The following HDAC9 variants were observed in gnomAD, a reference collection of about 807,000 sequenced individuals.
HDAC9 encodes MEF-2 interacting transcription repressor (MITR) protein.
A neutral mutation model predicts 139.4 loss-of-function variants in HDAC9; 41 were observed. The ratio of observed to expected loss-of-function variants is 0.29; its 90% CI spans 0.23 to 0.38. The LOEUF (loss-of-function observed/expected upper bound fraction) is 0.38. Among genes scored for constraint, HDAC9 ranks in the 10% least tolerant of loss-of-function variants. The probability of loss-of-function intolerance (pLI) is 1.00; values close to 1 mark genes in which losing one functional copy is unlikely to be tolerated. For missense variants in HDAC9, 1,147 were observed against 1,297.0 expected (o/e 0.88, Z 1.78); for synonymous variants, 517 against 476.2 (o/e 1.09, Z -1.12).
chr7:18,424,231 C>T (rs1016478409), intron 1 of HDAC9, among the ~76,000 whole-genome samples: 1 of 152,130 alleles, frequency 6.6e-6, no homozygotes, highest in African/African-American at 2.4e-5. Flanking sequence ...GAAAACATCC[C>T]CTTCACCAGT....
chr7:18,678,460 ATAGAG>A lies in HDAC9; in HGVS notation c.1731+11989_1731+11993del, dbSNP rs1208985915. 9.9e-5 allele frequency among the ~76,000 whole-genome samples: 15 copies of A among 151,886 alleles called. 1 individual carries two copies. Among genetic ancestry groups the A allele is most frequent in the Admixed American group, 8.5e-4 (13 of 15,214 alleles). ...CTTTCTTTTGGGACTCCAGTTACAC[ATAGAG>A]TAGACTGCTTGATACTGTCTCACGT... On this transcript the variant is annotated intron_variant, in intron 12 of 25. Coordinates refer to ENST00000686413, the MANE Select transcript of HDAC9 (RefSeq NM_178425.4).
At chr7:18,202,645 G>A (rs575491047) in intron 2 of HDAC9, among the ~76,000 whole-genome samples, 7 of 152,344 alleles carry the variant, frequency 4.6e-5, no homozygotes, top group African/African-American at 1.4e-4. Flanking sequence ...AGGTGTTCCA[G>A]TAGCATACTT....
chr7:18,163,424 T>G (rs1331203967), intron 2 of HDAC9, among the ~76,000 whole-genome samples: 2 of 152,234 alleles, frequency 1.3e-5, no homozygotes, highest in Non-Finnish European at 2.9e-5. Context: ...TCTCAAACTT[T>G]AGCATGCATT....
At chr7:18,853,012 C>T (rs1217003022) in intron 21 of HDAC9, among the ~76,000 whole-genome samples, 1 of 152,074 alleles carries the variant, frequency 6.6e-6, no homozygotes. Context: ...GGAGCGCACA[C>T]TCTTCTTTTG....
intron 1 of HDAC9, among the ~76,000 whole-genome samples, chr7:18,353,033 A>G (rs1277770307): frequency 1.3e-5 from 2 of 152,148 alleles, no homozygotes; most frequent in Non-Finnish European, 2.9e-5. Flanking sequence ...TTGTCATAGC[A>G]TCTAAGGTTT....
rs73313283 is a variant in HDAC9, at chr7:18,590,292, G to A, written c.265-44G>A. Reference sequence around the variant, plus strand: ...AGTTTTGGTCAGTGATGACTATGAAGCCTAAAGAAATTGCACACTCTCATG... The same window carrying A: ...AGTTTTGGTCAGTGATGACTATGAAACCTAAAGAAATTGCACACTCTCATG... On this transcript the variant is annotated intron_variant, in intron 3 of 25. Transcript: ENST00000686413. 4.6e-3 allele frequency: 7,400 copies of A among 1,603,330 alleles called. 291 individuals carry two copies. The African/African-American group carries it at 0.087, about 19-fold the overall frequency.
intron 1 of HDAC9, among the ~76,000 whole-genome samples, chr7:18,436,187 A>C (rs969352951): frequency 7.9e-5 from 12 of 152,082 alleles, no homozygotes; most frequent in African/African-American, 2.9e-4. Flanking sequence ...AACATACATG[A>C]AGTAGTTTTA....
At chr7:18,958,197 G>T (rs1014827931) in intron 24 of HDAC9, among the ~76,000 whole-genome samples, 2 of 152,160 alleles carry the variant, frequency 1.3e-5, no homozygotes, top group Non-Finnish European at 2.9e-5. Context: ...TATCCTGACA[G>T]GTGAAGACCC....
chr7:18,995,706 TATC>T (rs1483242669), intron 25 of HDAC9, among the ~76,000 whole-genome samples: 2 of 152,114 alleles, frequency 1.3e-5, no homozygotes, highest in Non-Finnish European at 2.9e-5. Flanking sequence ...TAAAATAAAA[TATC>T]ATAGTTAATT....
chr7:18,630,044 A>G lies in HDAC9; in HGVS notation c.796+563A>G, dbSNP rs73683036. ...GAAACTGTCATTTTCATGGGTCTCA[A>G]ATGGAAGAGTTATTTTTTTAGCTGC... is the stretch of plus-strand genomic sequence containing the variant. On this transcript the variant is annotated intron_variant, in intron 7 of 25. Transcript: ENST00000686413. Among the ~76,000 whole-genome samples the G allele has an allele frequency of 7.8e-3, 1,186 of 152,136 alleles. 16 individuals are homozygous for G. Among genetic ancestry groups the G allele is most frequent in the African/African-American group, 0.027 (1,133 of 41,538 alleles).
At chr7:18,551,545 T>C (rs1429457676) in intron 2 of HDAC9, among the ~76,000 whole-genome samples, 1 of 152,156 alleles carries the variant, frequency 6.6e-6, no homozygotes, top group Non-Finnish European at 1.5e-5. Context: ...ATGTGTGTCC[T>C]CTCAGCCAAA....
At chr7:18,850,081 T>TAAAAAAAAAAAA (rs11327408) in intron 21 of HDAC9, among the ~76,000 whole-genome samples, 4 of 82,300 alleles carry the variant, frequency 4.9e-5, no homozygotes, top group Non-Finnish European at 1.0e-4. Flanking sequence ...AAAGCCTGAG[T>TAAAAAAAAAAAA]AAAAAAAAAA....
At chr7:18,645,223 G>T (rs769659163) in intron 9 of HDAC9, among the ~76,000 whole-genome samples, 1 of 152,100 alleles carries the variant, frequency 6.6e-6, no homozygotes, top group African/African-American at 2.4e-5. Flanking sequence ...GAGAGCTACA[G>T]CTTCGAAAGC....
At chr7:18,672,290 C>A (rs1481474505) in intron 12 of HDAC9, among the ~76,000 whole-genome samples, 1 of 151,970 alleles carries the variant, frequency 6.6e-6, no homozygotes, top group African/African-American at 2.4e-5. Flanking sequence ...ATTTATATTT[C>A]ATTAATGACT....
chr7:18,982,299 G>A (rs1438084291), intron 25 of HDAC9, among the ~76,000 whole-genome samples: 1 of 151,896 alleles, frequency 6.6e-6, no homozygotes, highest in Non-Finnish European at 1.5e-5. Context: ...CAAAACAACT[G>A]GAAAGCATAT....
intron 2 of HDAC9, among the ~76,000 whole-genome samples, chr7:18,193,730 C>G (rs1388187382): frequency 6.6e-6 from 1 of 152,078 alleles, no homozygotes; most frequent in African/African-American, 2.4e-5. Context: ...CAGTTCTGCT[C>G]TATGAGCTGA....
chr7:18,452,112 C>T (rs548017120), intron 1 of HDAC9, among the ~76,000 whole-genome samples: 1 of 152,198 alleles, frequency 6.6e-6, no homozygotes, highest in East Asian at 1.9e-4. Flanking sequence ...CTAGCCAGGG[C>T]AGTTTGAGTG....
At chr7:18,535,212 T>G (rs1487447208) in intron 2 of HDAC9, among the ~76,000 whole-genome samples, 1 of 152,200 alleles carries the variant, frequency 6.6e-6, no homozygotes, top group East Asian at 1.9e-4. Context: ...ATTTTAATTC[T>G]TTTACTGTCA....
chr7:18,186,243 A>G (rs186335698), intron 2 of HDAC9, among the ~76,000 whole-genome samples: 198 of 152,328 alleles, frequency 1.3e-3, no homozygotes, highest in African/African-American at 4.5e-3. Flanking sequence ...TGTGAAGACA[A>G]ATTTTTCTGT....
Sources: gnomAD v4.1 joint callset for allele counts (sites outside exome capture counted in the v4.1 genomes callset) on GRCh38, gnomAD v4.1.1 for gene constraint, MANE v1.5 for transcripts, NCBI Gene and HGNC (gene_info 2026-07-23, HGNC 2026-07-21) for gene names.